Variants in DNAI1 observed in about 807,000 individuals in gnomAD.
DNAI1 encodes dynein axonemal intermediate chain 1, also known as dynein, axonemal, intermediate polypeptide 1.
In DNAI1, 67 loss-of-function variants were observed where a neutral mutation model predicts 92.0. The observed-to-expected ratio is 0.73, with a 90% CI of 0.60 to 0.89. DNAI1 has a LOEUF of 0.89. Among genes scored for constraint, DNAI1 ranks in the 40% least tolerant of loss-of-function variants. The pLI is 0.00. For missense variants in DNAI1, 839 were observed against 866.6 expected, an observed-to-expected ratio of 0.97 and a Z score of 0.40; for synonymous variants, 323 against 319.6, an observed-to-expected ratio of 1.01 and a Z score of -0.11.
intron 12 of DNAI1, among the ~76,000 whole-genome samples, chr9:34,504,787 C>T (rs923839577): frequency 1.3e-5 from 2 of 152,214 alleles, no homozygotes; most frequent in Non-Finnish European, 2.9e-5. Context: ...AACTGATAAC[C>T]TTCTTTAGAG....
chr9:34,496,775 C>G (rs1393673064), intron 9 of DNAI1, among the ~76,000 whole-genome samples: 1 of 152,204 alleles, frequency 6.6e-6, no homozygotes, highest in Admixed American at 6.5e-5. Flanking sequence ...GTCTGCTCTC[C>G]CCTGCAGACC....
At position 34,506,477 on chromosome 9, in the gene DNAI1, T is replaced by C. The variant is rs1454269434; in HGVS notation, c.1064-150T>C. The C allele has an allele frequency of 3.8e-6, 4 of 1,051,708 alleles. No individual in the cohort carries two copies. The East Asian group carries it at 7.8e-5, about 20-fold the overall frequency. 65.1% of individuals were successfully genotyped at this position (1,051,708 alleles called of 1,614,324 possible). A position where few individuals can be genotyped will look rare whatever the true frequency, so the allele number is the denominator to read the frequency against. On this transcript the variant is annotated intron_variant, in intron 12 of 19. Transcript: ENST00000242317. Reference sequence around the variant, plus strand: ...ACATCTCATAATTCCACTTCACAGATGGAAAAGATGAATCCCAGAGAGGAA... The same window carrying C: ...ACATCTCATAATTCCACTTCACAGACGGAAAAGATGAATCCCAGAGAGGAA...
At chr9:34,471,651 C>T (rs186518118) in intron 1 of DNAI1, among the ~76,000 whole-genome samples, 1 of 151,876 alleles carries the variant, frequency 6.6e-6, no homozygotes, top group African/African-American at 2.4e-5. Flanking sequence ...GCACCTATAA[C>T]CCCAGCTAGT....
intron 8 of DNAI1, among the ~76,000 whole-genome samples, chr9:34,492,606 G>T (rs1045111119): frequency 3.4e-5 from 5 of 146,762 alleles, no homozygotes; most frequent in Non-Finnish European, 7.5e-5. Context: ...TGCAACTTCT[G>T]CCTCCTGGGC....
At chr9:34,513,214 C>G (rs1436110134) in intron 16 of DNAI1, 23 bp downstream of exon 16, 2 of 1,594,136 alleles carry the variant, frequency 1.3e-6, no homozygotes, top group Non-Finnish European at 1.7e-6. Context: ...TGTGCCAGCT[C>G]CTTAGAAGGC....
rs13286388 is a variant in DNAI1 at position 34,480,475 on chromosome 9, G to C, written c.49-2973G>C. 4.6e-5 allele frequency among the ~76,000 whole-genome samples: 7 copies of C among 151,624 alleles called. No individual in the cohort carries two copies. In the South Asian group the frequency reaches 1.5e-3, roughly 32 times the overall value. On this transcript the variant is annotated intron_variant, in intron 1 of 19. Transcript: ENST00000242317. The stretch of plus-strand genomic sequence containing the variant: ...GTATTTTTAGTAGAGACAGGGTTTC[G>C]CCATGTTGACCAGGCTGGTCTCCAA...
intron 19 of DNAI1, among the ~76,000 whole-genome samples, chr9:34,518,594 C>T (rs532689297): frequency 1.4e-4 from 21 of 152,258 alleles, no homozygotes; most frequent in African/African-American, 4.6e-4. Context: ...TAGTTGGCCT[C>T]AAGGAGGAGG....
chr9:34,482,342 G>C (rs993092292), intron 1 of DNAI1, among the ~76,000 whole-genome samples: 1 of 150,602 alleles, frequency 6.6e-6, no homozygotes, highest in African/African-American at 2.5e-5. Flanking sequence ...ACAGGGTGCT[G>C]ATTGGTGTAT....
At chr9:34,488,807 G>A (rs1824524259) in intron 4 of DNAI1, among the ~76,000 whole-genome samples, 1 of 152,228 alleles carries the variant, frequency 6.6e-6, no homozygotes, top group Non-Finnish European at 1.5e-5. Flanking sequence ...CTCATTTGCT[G>A]TGTGACCCGG....
intron 5 of DNAI1, 45 bp downstream of exon 5, chr9:34,489,494 C>T (rs748385394): frequency 6.2e-7 from 1 of 1,610,122 alleles, no homozygotes; most frequent in Non-Finnish European, 8.5e-7. Flanking sequence ...GAGCCTGTTC[C>T]CCTTATTCTG....
chr9:34,482,925 G>A (rs181672852), intron 1 of DNAI1, among the ~76,000 whole-genome samples: 1 of 152,246 alleles, frequency 6.6e-6, no homozygotes, highest in Non-Finnish European at 1.5e-5. Context: ...AGGCAGCTAA[G>A]GCCCGGCGAG....
intron 9 of DNAI1, among the ~76,000 whole-genome samples, chr9:34,496,307 C>A (rs1475754896): frequency 6.6e-6 from 1 of 152,232 alleles, no homozygotes; most frequent in Non-Finnish European, 1.5e-5. Context: ...TCCTTGGGAG[C>A]CATGGGCCTG....
rs11793196 is a variant in DNAI1, at chr9:34,500,823, G to T, written c.1003G>T (p.Val335Phe). Residue 335 changes from valine to phenylalanine, a missense_variant, in exon 11 of 20, where the codon GTC becomes TTC. Physicochemically the swap from Val to Phe is conservative, Grantham distance 50. Coordinates refer to ENST00000242317, the MANE Select transcript of DNAI1 (RefSeq NM_012144.4). ...AAATGACAAAGCCAAGCGCCTGTCCGTCACTGCCCTCTGCTGGTAAGTATA... is the reference window on the plus strand; with the variant it reads ...AAATGACAAAGCCAAGCGCCTGTCCTTCACTGCCCTCTGCTGGTAAGTATA... ...FQNDKAKRLS[V>F]TALCWNPKYR... The T allele has an allele frequency of 4.3e-6, 7 of 1,613,864 alleles. No individual in the cohort carries two copies. Among genetic ancestry groups the T allele is most frequent in the African/African-American group, 1.3e-5 (1 of 74,974 alleles).
intron 12 of DNAI1, among the ~76,000 whole-genome samples, chr9:34,504,375 C>T (rs1436368413): frequency 6.6e-6 from 1 of 152,100 alleles, no homozygotes; most frequent in African/African-American, 2.4e-5. Flanking sequence ...GAAATTCATC[C>T]ACCTCATTTC....
rs199774301 is a variant in DNAI1 at position 34,512,352 on chromosome 9, A to G, written c.1417A>G (p.Ile473Val). 80 of 1,613,962 alleles carry G rather than the reference A, an allele frequency of 5.0e-5. No individual in the cohort carries two copies. In the East Asian group the frequency reaches 1.1e-3, roughly 22 times the overall value. ...GTGGCTACAGAGAAAGCTGGTTCAC[A>G]TAGATGTCATCAAGCTGAAGGTGGA... ...WTLVKRKLVH[I>V]DVIKLKVEGS... is the part of the protein sequence containing the mutation. The change falls in exon 15 of 20, where the codon ATA (isoleucine) becomes GTA (valine). Residue 473 changes from isoleucine (I) to valine (V), a missense_variant. Physicochemically the swap from Ile to Val is conservative, Grantham distance 29. Coordinates refer to ENST00000242317, the MANE Select transcript of DNAI1 (RefSeq NM_012144.4).
At chr9:34,475,554 C>T (rs1376040238) in intron 1 of DNAI1, among the ~76,000 whole-genome samples, 2 of 152,182 alleles carry the variant, frequency 1.3e-5, no homozygotes, top group African/African-American at 2.4e-5. Context: ...ATTTATTGGG[C>T]ACACACTCTG....
At chr9:34,501,066 A>G (rs756311832) in intron 11 of DNAI1, 72 bp from the exon 12 acceptor site, 2 of 1,325,442 alleles carry the variant, frequency 1.5e-6, no homozygotes, top group Non-Finnish European at 2.2e-6. Context: ...ACCAGTGCCA[A>G]TGGGAAGGCC....
In DNAI1 at chr9:34,501,147, G is replaced by C. The variant is rs757413255; in HGVS notation, c.1029G>C (p.Lys343Asn). The C allele has an allele frequency of 3.7e-6, 6 of 1,613,544 alleles. No homozygotes were observed. In the African/African-American group the frequency reaches 5.3e-5, roughly 14 times the overall value. Residue 343 changes from lysine to asparagine, a missense_variant, in exon 12 of 20, where the codon AAG (lysine) becomes AAC (asparagine). Transcript: ENST00000242317. ...ATATTTTTTTTTGCAGGAATCCAAA[G>C]TACAGGGATCTGTTTGCAGTGGGAT... ...LSVTALCWNP[K>N]YRDLFAVGYG... is the part of the protein sequence containing the mutation.
At position 34,464,844 on chromosome 9, in the gene DNAI1, T is replaced by C. The variant is rs1368291098; in HGVS notation, c.48+5791T>C. Among the ~76,000 whole-genome samples, 4 of 151,684 alleles carry C rather than the reference T, an allele frequency of 2.6e-5. No homozygotes were observed. In the South Asian group the frequency reaches 8.4e-4, roughly 32 times the overall value. ...TTCTATGGAAGCATGTGGTAGGGGG[T>C]CTTCATTCTGATTCTGGGGGAATTA... On this transcript the variant is annotated intron_variant, in intron 1 of 19. Coordinates refer to ENST00000242317, the MANE Select transcript of DNAI1 (RefSeq NM_012144.4).
Sources: allele counts gnomAD v4.1 joint callset (sites outside exome capture counted in the v4.1 genomes callset), GRCh38; gene constraint gnomAD v4.1.1; transcripts MANE v1.5; gene names NCBI Gene and HGNC (gene_info 2026-07-23, HGNC 2026-07-21).